The following HLCS variants were observed in gnomAD, a reference collection of about 807,000 sequenced individuals.
HLCS encodes the protein holocarboxylase synthetase.
In HLCS, 53 loss-of-function variants were observed where a neutral mutation model predicts 75.0. The observed-to-expected ratio is 0.71, with a 90% CI of 0.57 to 0.89. The LOEUF (loss-of-function observed/expected upper bound fraction) is 0.89. Among genes scored for constraint, HLCS ranks in the 40% least tolerant of loss-of-function variants. The pLI is 0.00. For missense variants in HLCS, 966 were observed against 1,074.0 expected, an observed-to-expected ratio of 0.90 and a Z score of 1.41; for synonymous variants, 431 against 428.6, an observed-to-expected ratio of 1.01 and a Z score of -0.07.
intron 6 of HLCS, among the ~76,000 whole-genome samples, chr21:36,808,772 C>T (rs1007905613): frequency 6.6e-6 from 1 of 152,196 alleles, no homozygotes; most frequent in African/African-American, 2.4e-5. Context: ...GACCTGAGTT[C>T]CCAACTGGTA....
chr21:36,939,188 A>T (rs2067029017), intron 2 of HLCS, among the ~76,000 whole-genome samples, 194 bp from the exon 3 acceptor site: 1 of 152,248 alleles, frequency 6.6e-6, no homozygotes, highest in African/African-American at 2.4e-5. Context: ...TCTACCTGAC[A>T]ACAGTGCTTA....
intron 1 of HLCS, among the ~76,000 whole-genome samples, chr21:36,987,307 T>C (rs570281723): frequency 7.2e-5 from 11 of 152,306 alleles, no homozygotes; most frequent in African/African-American, 2.6e-4. Context: ...ATCTTAGAAA[T>C]AACTCAAGTC....
intron 9 of HLCS, among the ~76,000 whole-genome samples, chr21:36,757,689 T>C (rs2089658187): frequency 6.6e-6 from 1 of 152,202 alleles, no homozygotes. Flanking sequence ...AAGGATTGAC[T>C]GGTCTCAGAT....
chr21:36,973,816 C>G (rs1281267728), intron 1 of HLCS: 2 of 152,172 alleles, frequency 1.3e-5, no homozygotes, highest in East Asian at 3.8e-4. Flanking sequence ...ATGGTGAAAC[C>G]CCGTCTCTAC....
intron 2 of HLCS, among the ~76,000 whole-genome samples, chr21:36,959,602 T>C (rs2068167015): frequency 6.6e-6 from 1 of 152,162 alleles, no homozygotes; most frequent in South Asian, 2.1e-4. Context: ...TAGAGTGCTT[T>C]TTCTGGCCCG....
chr21:36,765,982 T>G (rs1470417788), intron 7 of HLCS, among the ~76,000 whole-genome samples: 1 of 152,150 alleles, frequency 6.6e-6, no homozygotes, highest in African/African-American at 2.4e-5. Flanking sequence ...TCAATAAAGC[T>G]GTTTAAAAAG....
chr21:36,761,680 C>T (rs1265097572), intron 8 of HLCS, among the ~76,000 whole-genome samples: 1 of 152,100 alleles, frequency 6.6e-6, no homozygotes, highest in Non-Finnish European at 1.5e-5. Flanking sequence ...ATGCCAGGGC[C>T]CACATATCAA....
chr21:36,775,570 A>G (rs2145813117), intron 6 of HLCS, among the ~76,000 whole-genome samples: 1 of 152,354 alleles, frequency 6.6e-6, no homozygotes, highest in South Asian at 2.1e-4. Context: ...TCTGACGGCG[A>G]GCCTTCACTG....
chr21:36,757,291 T>C (rs746419501), intron 9 of HLCS, among the ~76,000 whole-genome samples: 10 of 152,206 alleles, frequency 6.6e-5, no homozygotes, highest in African/African-American at 1.4e-4. Context: ...TTCTTGGAAG[T>C]CTTTGGTGCT....
chr21:36,940,379 A>G (rs2067089905), intron 2 of HLCS, among the ~76,000 whole-genome samples: 2 of 152,046 alleles, frequency 1.3e-5, no homozygotes, highest in African/African-American at 2.4e-5. Context: ...TACTCGCTCT[A>G]TCACCCAGGC....
intron 5 of HLCS, 98 bp downstream of exon 5, chr21:36,930,153 A>T: frequency 8.8e-7 from 1 of 1,135,680 alleles, no homozygotes; most frequent in South Asian, 1.3e-5. Context: ...GAAATGGAAA[A>T]TCAAAACCAA....
chr21:36,752,649 G>C lies in HLCS; in HGVS notation c.*1597C>G, dbSNP rs1012811889. The stretch of plus-strand genomic sequence containing the variant: ...AAGAGTGGTTTTTTTTGTGTTTTTT[G>C]TTTGTTTGTTTTTTGAGAAAAATAA... On this transcript the variant is annotated 3_prime_UTR_variant, in exon 11 of 11. Transcript: ENST00000674895. 1.3e-5 allele frequency: 2 copies of C among 149,066 alleles called. No individual in the cohort carries two copies. The highest frequency in any genetic ancestry group is 2.9e-5 in the Non-Finnish European group (2 of 67,920). The allele number at this position is 149,066 out of a possible 1,614,324, so 9.2% of individuals were successfully genotyped here.
In HLCS at chr21:36,759,800, G is replaced by A. The variant is rs1409832769; in HGVS notation, c.2163C>T (p.Tyr721=). The A allele has an allele frequency of 3.1e-6, 5 of 1,613,300 alleles. No homozygotes were observed. In the African/African-American group the frequency reaches 4.0e-5, roughly 13 times the overall value. ...CTCCGCCGATCTTCATGAGGTCACT[G>A]TAATAAATATCGTTGGGCCACTTCA... ...LRVKWPNDIY[Y]SDLMKIGGVL... The change falls in exon 9 of 11, where the codon TAC becomes TAT. Residue 721 remains tyrosine (Y), a synonymous_variant. Transcript: ENST00000674895.
At chr21:36,767,930 G>C (rs938329817) in intron 6 of HLCS, among the ~76,000 whole-genome samples, 1 of 152,050 alleles carries the variant, frequency 6.6e-6, no homozygotes, top group Admixed American at 6.6e-5. Flanking sequence ...CTTTCCTTTG[G>C]GGGATAGGTA....
At chr21:36,856,976 T>C (rs2063217459) in intron 6 of HLCS, among the ~76,000 whole-genome samples, 1 of 152,254 alleles carries the variant, frequency 6.6e-6, no homozygotes. Flanking sequence ...AGTTCTCACT[T>C]TGCATGGTCC....
Position 36,855,535 on chromosome 21 carries a change from C to CT in HLCS, c.1892+41324dup, listed in dbSNP as rs1307374891. On this transcript the variant is annotated intron_variant, in intron 6 of 10. Coordinates refer to ENST00000674895, the MANE Select transcript of HLCS (RefSeq NM_001352514.2). ...CCTGGGCAACAGAGCAAGACTCCATCTAAAAAAAAAAAAAAAAAAAAAAAA... is the reference window on the plus strand; with the variant it reads ...CCTGGGCAACAGAGCAAGACTCCATCTTAAAAAAAAAAAAAAAAAAAAAAAA... 3.1e-3 allele frequency among the ~76,000 whole-genome samples: 226 copies of CT among 72,924 alleles called. 2 individuals carry two copies. Among genetic ancestry groups the CT allele is most frequent in the Admixed American group, 7.6e-3 (46 of 6,072 alleles). The allele number at this position is 72,924 out of a possible 152,430, so 47.8% of individuals were successfully genotyped here.
intron 6 of HLCS, among the ~76,000 whole-genome samples, chr21:36,866,300 T>C (rs1487681753): frequency 6.6e-6 from 1 of 152,120 alleles, no homozygotes; most frequent in East Asian, 1.9e-4. Flanking sequence ...AAAAGGAAAT[T>C]GAAGACATAA....
intron 1 of HLCS, among the ~76,000 whole-genome samples, chr21:36,976,618 C>A (rs1446121752): frequency 6.6e-6 from 1 of 152,076 alleles, no homozygotes; most frequent in Non-Finnish European, 1.5e-5. Context: ...AATGTTGCAC[C>A]AATGTCAGTT....
At chr21:36,801,782 CTT>C (rs113671511) in intron 6 of HLCS, among the ~76,000 whole-genome samples, 9 of 145,658 alleles carry the variant, frequency 6.2e-5, no homozygotes, top group African/African-American at 2.3e-4. Flanking sequence ...GATTTCCTTT[CTT>C]TTTTTTTTTT....
Sources: allele counts gnomAD v4.1 joint callset (sites outside exome capture counted in the v4.1 genomes callset), GRCh38; gene constraint gnomAD v4.1.1; transcripts MANE v1.5; gene names NCBI Gene and HGNC (gene_info 2026-07-23, HGNC 2026-07-21).